TMEM63B: variants seen among roughly 807,000 people sequenced by gnomAD.
The protein encoded by TMEM63B is transmembrane protein 63B, also known as mechanosensitive cation channel TMEM63B.
In TMEM63B, 23 loss-of-function variants were observed where a neutral mutation model predicts 102.6. The observed-to-expected ratio is 0.22, with a 90% CI of 0.16 to 0.32. TMEM63B has a LOEUF of 0.32. TMEM63B is among the 10% of genes least tolerant of loss of function. The probability of loss-of-function intolerance (pLI) is 1.00; values close to 1 mark genes in which losing one functional copy is unlikely to be tolerated. For missense variants in TMEM63B, 628 were observed against 1,095.9 expected (o/e 0.57, Z 6.03); for synonymous variants, 444 against 437.0 (o/e 1.02, Z -0.20).
rs1762687643 is a variant in TMEM63B at position 44,135,241 on chromosome 6, G to A, written c.240-87G>A. 44 of 1,566,436 alleles carry A rather than the reference G, an allele frequency of 2.8e-5. No individual in the cohort carries two copies. The South Asian group carries it at 4.7e-4, about 17-fold the overall frequency. ...AGCCCCAATGTGGGCATGGGGGCAT[G>A]AGGGCCCTAAGTTGGGCCCCTGTTC... On this transcript the variant is annotated intron_variant, in intron 3 of 23. Transcript: ENST00000323267.
chr6:44,128,190 C>T (rs1043667293), intron 1 of TMEM63B, among the ~76,000 whole-genome samples: 5 of 152,136 alleles, frequency 3.3e-5, no homozygotes, highest in African/African-American at 1.2e-4. Context: ...GGTAAGGGCT[C>T]GGGCTCGGGC....
intron 10 of TMEM63B, among the ~76,000 whole-genome samples, chr6:44,145,043 G>A (rs1235013889): frequency 2.6e-5 from 4 of 151,636 alleles, no homozygotes; most frequent in African/African-American, 7.3e-5. Flanking sequence ...TTGGGGAGCC[G>A]AGGTGGGTGA....
At position 44,150,646 on chromosome 6, in the gene TMEM63B, C is replaced by G. The variant is rs200488383; in HGVS notation, c.1673+17C>G. On this transcript the variant is annotated intron_variant, in intron 18 of 23. Coordinates refer to ENST00000323267, the MANE Select transcript of TMEM63B (RefSeq NM_018426.3). The surrounding 1 kb of genome is among the most constrained non-coding windows in gnomAD (Gnocchi z 4.7). Reference sequence around the variant, plus strand: ...TCGGTTTGAGTGAGTGACTGGGGCCCCTAGGGAAAGAGACCAGACAGCAGG... The same window carrying G: ...TCGGTTTGAGTGAGTGACTGGGGCCGCTAGGGAAAGAGACCAGACAGCAGG... 53 of 1,613,546 alleles carry G rather than the reference C, an allele frequency of 3.3e-5. No individual in the cohort carries two copies. Among genetic ancestry groups the G allele is most frequent in the Non-Finnish European group, 9.3e-6 (11 of 1,179,724 alleles).
At position 44,135,116 on chromosome 6, in the gene TMEM63B, CCTCTAG is replaced by C. The variant is rs754530129; in HGVS notation, c.239+25_239+30del. The C allele has an allele frequency of 1.9e-6, 3 of 1,612,542 alleles. No homozygotes were observed. The highest frequency in any genetic ancestry group is 1.1e-5 in the South Asian group (1 of 91,060). Reference sequence around the variant, plus strand: ...AGACAGGTAAGGGTCTGGGACCCTCCCTCTAGCTCTCCACACACACATCTTGTTCCA... The same window carrying C: ...AGACAGGTAAGGGTCTGGGACCCTCCCTCTCCACACACACATCTTGTTCCA... On this transcript the variant is annotated intron_variant, in intron 3 of 23. Coordinates refer to ENST00000323267, the MANE Select transcript of TMEM63B (RefSeq NM_018426.3).
At position 44,155,438 on chromosome 6, in the gene TMEM63B, G is replaced by A. The variant is rs1383010974; in HGVS notation, c.*555G>A. On this transcript the variant is annotated 3_prime_UTR_variant, in exon 24 of 24. Transcript: ENST00000323267. ...GTGGGCAAGGCTGACACTGGAAAATGGGTTTTTGCACTGTTTTTTTTTTGG... is the reference window on the plus strand; with the variant it reads ...GTGGGCAAGGCTGACACTGGAAAATAGGTTTTTGCACTGTTTTTTTTTTGG... 1.3e-5 allele frequency: 2 copies of A among 148,224 alleles called. No individual in the cohort carries two copies. The highest frequency in any genetic ancestry group is 6.8e-5 in the Admixed American group (1 of 14,732). The allele number at this position is 148,224 out of a possible 1,614,324, so 9.2% of individuals were successfully genotyped here. A position where few individuals can be genotyped will look rare whatever the true frequency, so the allele number is the denominator to read the frequency against.
chr6:44,138,351 A>T (rs1424067850), intron 5 of TMEM63B, 129 bp from the exon 6 acceptor site: 4 of 1,133,048 alleles, frequency 3.5e-6, no homozygotes, highest in Non-Finnish European at 3.9e-6. Context: ...GGGTATAAGG[A>T]TTTTTTTTTA....
chr6:44,147,482 G>T lies in TMEM63B; in HGVS notation c.969G>T (p.Val323=). 6.2e-7 allele frequency: 1 copy of T among 1,614,186 alleles called. No homozygotes were observed. The highest frequency in any genetic ancestry group is 1.1e-5 in the South Asian group (1 of 91,076). ...CCTGTGGCCACCTCTGCTGCTGTGT[G>T]GTGCGAGGCTGTGAGCAGGTATGAC... The part of the protein sequence containing the change: ...PKPCGHLCCC[V]VRGCEQVEAI... The change falls in exon 12 of 24, where the codon GTG becomes GTT. Residue 323 remains valine, a synonymous_variant. Transcript: ENST00000323267.
chr6:44,135,296 C>T, intron 3 of TMEM63B, 32 bp from the exon 4 acceptor site: 1 of 1,606,700 alleles, frequency 6.2e-7, no homozygotes, highest in East Asian at 2.2e-5. Context: ...TCTCCCCCGC[C>T]CCTGCTAACC....
rs563588586 is a variant in TMEM63B at position 44,146,663 on chromosome 6, C to T, written c.783-184C>T. 9.2e-5 allele frequency among the ~76,000 whole-genome samples: 14 copies of T among 152,202 alleles called. No individual in the cohort carries two copies. The East Asian group carries it at 9.7e-4, about 11-fold the overall frequency. On this transcript the variant is annotated intron_variant, in intron 10 of 23. Coordinates refer to ENST00000323267, the MANE Select transcript of TMEM63B (RefSeq NM_018426.3). ...ACAGGGTTTCACCATGTTGGCCAGGCTGGTTTCGAACTCCTGACCTCAGGT... is the reference window on the plus strand; with the variant it reads ...ACAGGGTTTCACCATGTTGGCCAGGTTGGTTTCGAACTCCTGACCTCAGGT...
intron 8 of TMEM63B, 42 bp from the exon 9 acceptor site, chr6:44,140,210 C>G: frequency 6.6e-7 from 1 of 1,523,260 alleles, no homozygotes; most frequent in Non-Finnish European, 9.1e-7. Context: ...TGAGTGTGTC[C>G]TAGCCCCAGT....
rs1379864126 is a variant in TMEM63B at position 44,141,075 on chromosome 6, A to G, written c.759A>G (p.Ser253=). ...FINGISKYAE[S]EKIKKHFEEA... is the part of the protein sequence containing the mutation. Reference sequence around the variant, plus strand: ...ATGGAATCTCCAAATATGCAGAGTCAGAAAAGATCAAGAAGCATTTTGAGT... The same window carrying G: ...ATGGAATCTCCAAATATGCAGAGTCGGAAAAGATCAAGAAGCATTTTGAGT... The change falls in exon 10 of 24, where the codon TCA becomes TCG. Residue 253 remains serine, a synonymous_variant. Transcript: ENST00000323267. 6.2e-7 allele frequency: 1 copy of G among 1,614,114 alleles called. No homozygotes were observed. The highest frequency in any genetic ancestry group is 1.7e-5 in the Admixed American group (1 of 60,004).
At position 44,148,861 on chromosome 6, in the gene TMEM63B, C is replaced by T. The variant is rs762419327; in HGVS notation, c.1329C>T (p.Ile443=). 8 of 1,614,144 alleles carry T rather than the reference C, an allele frequency of 5.0e-6. No homozygotes were observed. In the African/African-American group the frequency reaches 9.3e-5, roughly 19 times the overall value. The change falls in exon 15 of 24, where the codon ATC becomes ATT. Residue 443 remains isoleucine (I), a synonymous_variant. Transcript: ENST00000323267. The surrounding 1 kb of genome is among the most constrained non-coding windows in gnomAD (Gnocchi z 5.1). ...RCLVINVVLF[I]LLFFLTTPAI... ...TGGTCATCAATGTCGTCCTCTTCAT[C>T]CTCCTCTTCTTCCTCACCACTCCAG...
intron 10 of TMEM63B, among the ~76,000 whole-genome samples, chr6:44,143,390 C>G (rs1481237387): frequency 1.3e-5 from 2 of 152,108 alleles, no homozygotes; most frequent in Admixed American, 1.3e-4. Flanking sequence ...ATCTGAGGTT[C>G]AAGCTGTCAT....
chr6:44,136,165 C>T (rs575091225), intron 4 of TMEM63B, among the ~76,000 whole-genome samples, 184 bp from the exon 5 acceptor site: 1 of 152,322 alleles, frequency 6.6e-6, no homozygotes, highest in Admixed American at 6.5e-5. Flanking sequence ...CTGAGTCCCC[C>T]TGAAAGGAAG....
At chr6:44,128,444 C>T (rs1053235607) in intron 1 of TMEM63B, among the ~76,000 whole-genome samples, 1 of 152,244 alleles carries the variant, frequency 6.6e-6, no homozygotes, top group Non-Finnish European at 1.5e-5. Context: ...CCGCTTTGTC[C>T]CTCCTGGCTG....
chr6:44,151,838 G>C lies in TMEM63B; in HGVS notation c.1674-8G>C. 6.2e-7 allele frequency: 1 copy of C among 1,601,476 alleles called. No individual in the cohort carries two copies. The highest frequency in any genetic ancestry group is 1.1e-5 in the South Asian group (1 of 89,852). On this transcript the variant is annotated splice_region_variant and splice_polypyrimidine_tract_variant and intron_variant, in intron 18 of 23. Transcript: ENST00000323267. ...AGGGTGCAGTGCTGGAGCACCTGGT[G>C]CCCGCAGGTGTGTGTTCCTGCCCGA...
intron 1 of TMEM63B, among the ~76,000 whole-genome samples, chr6:44,131,578 G>A (rs540064002): frequency 6.6e-4 from 100 of 152,172 alleles, no homozygotes; most frequent in African/African-American, 2.2e-3. Context: ...AATTAGCTGG[G>A]CGTGGTGGCA....
chr6:44,151,636 T>C (rs551685685), intron 18 of TMEM63B, among the ~76,000 whole-genome samples: 61 of 152,046 alleles, frequency 4.0e-4, no homozygotes, highest in Non-Finnish European at 7.5e-4. Flanking sequence ...CCATGGGTCT[T>C]TATGGGGCAC....
chr6:44,129,955 C>T (rs1777955525), intron 1 of TMEM63B, among the ~76,000 whole-genome samples: 1 of 152,166 alleles, frequency 6.6e-6, no homozygotes, highest in African/African-American at 2.4e-5. Context: ...AGGTTAGAAG[C>T]CTGGTCTGTC....
Sources: gnomAD v4.1 joint callset for allele counts (sites outside exome capture counted in the v4.1 genomes callset) on GRCh38, gnomAD v4.1.1 for gene constraint, Gnocchi (gnomAD v3.1) non-coding constraint, MANE v1.5 for transcripts, NCBI Gene and HGNC (gene_info 2026-07-23, HGNC 2026-07-21) for gene names.